Variants in SORCS2 observed in about 807,000 individuals in gnomAD.
The protein encoded by SORCS2 is sortilin related VPS10 domain containing receptor 2, also known as VPS10 domain-containing receptor SorCS2.
In SORCS2, 100 loss-of-function variants were observed where a neutral mutation model predicts 141.6. The observed-to-expected ratio is 0.71, with a 90% CI of 0.60 to 0.83. The LOEUF (loss-of-function observed/expected upper bound fraction) is 0.83, where lower values mean the gene tolerates loss of function less well. SORCS2 is among the 40% of genes least tolerant of loss of function. SORCS2 has a pLI of 0.00. For synonymous variants in SORCS2, 789 were observed against 676.9 expected, an observed-to-expected ratio of 1.17 and a Z score of -2.57; for missense variants, 1,646 against 1,560.2, an observed-to-expected ratio of 1.05 and a Z score of -0.93.
chr4:7,487,816 T>C (rs553482582), intron 2 of SORCS2, among the ~76,000 whole-genome samples: 1 of 152,312 alleles, frequency 6.6e-6, no homozygotes, highest in Admixed American at 6.5e-5. Flanking sequence ...GGGCTCTGGC[T>C]GTGTGCTCTC....
chr4:7,333,489 C>G (rs1437655601), intron 1 of SORCS2, among the ~76,000 whole-genome samples: 1 of 152,170 alleles, frequency 6.6e-6, no homozygotes, highest in African/African-American at 2.4e-5. Flanking sequence ...CAGGGCCCAG[C>G]CTGCAGGAGG....
At chr4:7,538,678 G>A (rs544082451) in intron 3 of SORCS2, among the ~76,000 whole-genome samples, 117 of 152,112 alleles carry the variant, frequency 7.7e-4, no homozygotes, top group African/African-American at 2.6e-3. Flanking sequence ...GGACACCCTG[G>A]CCCACCCACC....
intron 2 of SORCS2, among the ~76,000 whole-genome samples, chr4:7,447,900 TC>T (rs1728100859): frequency 6.6e-6 from 1 of 152,156 alleles, no homozygotes; most frequent in Non-Finnish European, 1.5e-5. Flanking sequence ...GAGGTGTTTC[TC>T]CCCTCCCTCC....
chr4:7,738,237 C>G (rs893765996), intron 26 of SORCS2, among the ~76,000 whole-genome samples: 1 of 152,244 alleles, frequency 6.6e-6, no homozygotes, highest in Non-Finnish European at 1.5e-5. Flanking sequence ...GGGCTGGGAG[C>G]CTGTGCTGCC....
At chr4:7,305,807 T>C (rs1169480566) in intron 1 of SORCS2, among the ~76,000 whole-genome samples, 3 of 152,170 alleles carry the variant, frequency 2.0e-5, no homozygotes, top group African/African-American at 7.2e-5. Context: ...GGCACGCCCA[T>C]ACTCTGCTGC....
chr4:7,509,101 G>A (rs1732453169), intron 2 of SORCS2, among the ~76,000 whole-genome samples: 1 of 152,198 alleles, frequency 6.6e-6, no homozygotes, highest in African/African-American at 2.4e-5. Flanking sequence ...ATCAGTACCT[G>A]CTTCTGTACA....
chr4:7,727,561 G>A (rs962434890), intron 21 of SORCS2, among the ~76,000 whole-genome samples: 3 of 152,198 alleles, frequency 2.0e-5, no homozygotes, highest in South Asian at 4.1e-4. Flanking sequence ...ACAAGTGTGC[G>A]GAGGGTTGGG....
At chr4:7,631,276 G>C (rs6824296) in intron 3 of SORCS2, among the ~76,000 whole-genome samples, 3,175 of 151,390 alleles carry the variant, frequency 0.021, 105 homozygotes, top group African/African-American at 0.074. Context: ...CTGACAAGCA[G>C]GTCCAAGCAG....
At chr4:7,530,345 T>C (rs1304233330) in intron 2 of SORCS2, among the ~76,000 whole-genome samples, 1 of 152,192 alleles carries the variant, frequency 6.6e-6, no homozygotes, top group Non-Finnish European at 1.5e-5. Flanking sequence ...GCAGGAGCAC[T>C]GAAGCCTGGC....
intron 2 of SORCS2, among the ~76,000 whole-genome samples, chr4:7,497,064 C>T (rs2109417690): frequency 6.6e-6 from 1 of 152,356 alleles, no homozygotes; most frequent in East Asian, 1.9e-4. Flanking sequence ...GTTGGCTATT[C>T]TGCAGAAGAG....
Position 7,610,120 on chromosome 4 carries a change from A to G in SORCS2, c.649-28208A>G, listed in dbSNP as rs192371636. Among the ~76,000 whole-genome samples the G allele has an allele frequency of 4.6e-5, 7 of 152,296 alleles. No individual in the cohort carries two copies. The East Asian group carries it at 9.7e-4, about 21-fold the overall frequency. ...CAGGACGCGCTGAGTAAAGTTCACAATGCCAGGGAATTGGGGGGAAATCTT... is the reference window on the plus strand; with the variant it reads ...CAGGACGCGCTGAGTAAAGTTCACAGTGCCAGGGAATTGGGGGGAAATCTT... On this transcript the variant is annotated intron_variant, in intron 3 of 26. Coordinates refer to ENST00000507866, the MANE Select transcript of SORCS2 (RefSeq NM_020777.3).
At chr4:7,438,760 A>T (rs1727464941) in intron 2 of SORCS2, among the ~76,000 whole-genome samples, 2 of 151,284 alleles carry the variant, frequency 1.3e-5, no homozygotes, top group African/African-American at 4.9e-5. Context: ...AATCCAACAC[A>T]CCTGTCCCAC....
At chr4:7,454,565 T>G (rs1577591350) in intron 2 of SORCS2, among the ~76,000 whole-genome samples, 1 of 107,312 alleles carries the variant, frequency 9.3e-6, no homozygotes. Flanking sequence ...TGTGTTGGGG[T>G]CAGGAGCTGT....
chr4:7,615,601 C>T (rs1718706940), intron 3 of SORCS2, among the ~76,000 whole-genome samples: 1 of 152,216 alleles, frequency 6.6e-6, no homozygotes. Flanking sequence ...TGTTCCTGTG[C>T]CTGCCCGTGC....
At chr4:7,316,470 A>G (rs1331360111) in intron 1 of SORCS2, among the ~76,000 whole-genome samples, 1 of 152,230 alleles carries the variant, frequency 6.6e-6, no homozygotes, top group African/African-American at 2.4e-5. Flanking sequence ...AAGTAAGTGG[A>G]TACAAACTAA....
In SORCS2 at chr4:7,613,040, G is replaced by A. The variant is rs111810550; in HGVS notation, c.649-25288G>A. ...CTCTCTCTCCACCTCTTTCTGCGGGGAGGAGCCACAGGCTCTGCCTACCAG... is the reference window on the plus strand; with the variant it reads ...CTCTCTCTCCACCTCTTTCTGCGGGAAGGAGCCACAGGCTCTGCCTACCAG... On this transcript the variant is annotated intron_variant, in intron 3 of 26. Transcript: ENST00000507866. Among the ~76,000 whole-genome samples the A allele has an allele frequency of 6.7e-3, 1,021 of 152,128 alleles. 15 individuals carry two copies. Among genetic ancestry groups the A allele is most frequent in the African/African-American group, 0.024 (984 of 41,482 alleles).
At chr4:7,400,880 T>C (rs1031760245) in intron 2 of SORCS2, among the ~76,000 whole-genome samples, 1 of 150,592 alleles carries the variant, frequency 6.6e-6, no homozygotes, top group Non-Finnish European at 1.5e-5. Flanking sequence ...GAAGAATAGG[T>C]GGATAGATTA....
At chr4:7,427,135 C>T (rs532367415) in intron 2 of SORCS2, among the ~76,000 whole-genome samples, 4 of 152,138 alleles carry the variant, frequency 2.6e-5, no homozygotes, top group East Asian at 1.9e-4. Context: ...AGAATCCTGG[C>T]GCAGCCGGAG....
chr4:7,656,718 T>G (rs536028959), intron 5 of SORCS2, among the ~76,000 whole-genome samples: 1 of 152,322 alleles, frequency 6.6e-6, no homozygotes, highest in South Asian at 2.1e-4. Flanking sequence ...AGGGAAAGCC[T>G]CAGCCTTCCT....
Sources: gnomAD v4.1 joint callset for allele counts (sites outside exome capture counted in the v4.1 genomes callset) on GRCh38, gnomAD v4.1.1 for gene constraint, MANE v1.5 for transcripts, NCBI Gene and HGNC (gene_info 2026-07-23, HGNC 2026-07-21) for gene names.